Variants in SMG7 observed in about 807,000 individuals in gnomAD.
The protein encoded by SMG7 is SMG7 nonsense mediated mRNA decay factor, also known as nonsense-mediated mRNA decay factor SMG7.
In SMG7, 34 loss-of-function variants were observed where a neutral mutation model predicts 148.2. That is an observed-to-expected ratio of 0.23 (90% CI 0.17 to 0.31). The LOEUF is 0.31. SMG7 is among the 10% of genes least tolerant of loss of function. The probability of loss-of-function intolerance (pLI) is 1.00; values close to 1 mark genes in which losing one functional copy is unlikely to be tolerated. For missense variants in SMG7, 1,114 were observed against 1,408.4 expected, an observed-to-expected ratio of 0.79 and a Z score of 3.35; for synonymous variants, 492 against 515.1, an observed-to-expected ratio of 0.96 and a Z score of 0.61.
Position 183,526,579 on chromosome 1 carries a change from G to T in SMG7, c.313-17G>T, listed in dbSNP as rs1241227445. 3.2e-6 allele frequency: 5 copies of T among 1,574,244 alleles called. No homozygotes were observed. The highest frequency in any genetic ancestry group is 4.3e-6 in the Non-Finnish European group (5 of 1,152,648). On this transcript the variant is annotated splice_polypyrimidine_tract_variant and intron_variant, in intron 4 of 22. Coordinates refer to ENST00000688051, the MANE Select transcript of SMG7 (RefSeq NM_001375584.1). ...CACTTGTGACTTACTACTAAATTTTGTTTGTTTTTCTTTTAGTTATTACAA... is the reference window on the plus strand; with the variant it reads ...CACTTGTGACTTACTACTAAATTTTTTTTGTTTTTCTTTTAGTTATTACAA...
At chr1:183,550,279 A>C (rs1255425588) in intron 20 of SMG7, among the ~76,000 whole-genome samples, 1 of 151,960 alleles carries the variant, frequency 6.6e-6, no homozygotes. Context: ...GGTGTTGCCC[A>C]CTCTAGACTC....
intron 1 of SMG7, among the ~76,000 whole-genome samples, chr1:183,478,716 A>G (rs1653305825): frequency 6.6e-6 from 1 of 152,104 alleles, no homozygotes. Flanking sequence ...TTTATACTTG[A>G]GAAAAATTGT....
chr1:183,483,489 A>T (rs554863200), intron 1 of SMG7, among the ~76,000 whole-genome samples: 1 of 152,172 alleles, frequency 6.6e-6, no homozygotes, highest in South Asian at 2.1e-4. Context: ...CTTACTTGAA[A>T]TTTTTTTTAT....
intron 1 of SMG7, among the ~76,000 whole-genome samples, chr1:183,476,140 A>G (rs1397829143): frequency 6.6e-6 from 1 of 152,208 alleles, no homozygotes; most frequent in East Asian, 1.9e-4. Flanking sequence ...TGGGGACACT[A>G]GAGAATGTCT....
At chr1:183,541,172 GCGCGCACACACA>G (rs1364419637) in intron 13 of SMG7, 69 bp downstream of exon 13, 11 of 1,361,378 alleles carry the variant, frequency 8.1e-6, no homozygotes, top group African/African-American at 7.3e-5. Context: ...GCGCACACGC[GCGCGCACACACA>G]CACATCTCAT....
intron 1 of SMG7, among the ~76,000 whole-genome samples, chr1:183,487,551 C>T (rs1289078686): frequency 5.9e-5 from 9 of 152,174 alleles, no homozygotes; most frequent in African/African-American, 2.2e-4. Flanking sequence ...TGGAACAGTG[C>T]CTCAAATCAC....
At chr1:183,500,013 G>T (rs554444847) in intron 1 of SMG7, among the ~76,000 whole-genome samples, 1 of 152,052 alleles carries the variant, frequency 6.6e-6, no homozygotes, top group Non-Finnish European at 1.5e-5. Context: ...TGCAAAAAAA[G>T]GACTATTTTT....
At chr1:183,534,772 C>G (rs1372426706) in intron 10 of SMG7, among the ~76,000 whole-genome samples, 1 of 151,682 alleles carries the variant, frequency 6.6e-6, no homozygotes, top group Non-Finnish European at 1.5e-5. Context: ...GAGGCTGAGA[C>G]AGGAAAATCG....
At chr1:183,484,308 T>C (rs1654899957) in intron 1 of SMG7, among the ~76,000 whole-genome samples, 1 of 152,042 alleles carries the variant, frequency 6.6e-6, no homozygotes, top group African/African-American at 2.4e-5. Flanking sequence ...TGTTACACTA[T>C]ATTGCTTTTT....
At position 183,549,434 on chromosome 1, in the gene SMG7, G is replaced by T. The variant is rs189160071; in HGVS notation, c.2973+146G>T. On this transcript the variant is annotated intron_variant, in intron 19 of 22. Coordinates refer to ENST00000688051, the MANE Select transcript of SMG7 (RefSeq NM_001375584.1). ...ATTTGATTTTATCCCCCTTGTCTCTGATTGGGGCATACTAGTGACTTGTAC... is the reference window on the plus strand; with the variant it reads ...ATTTGATTTTATCCCCCTTGTCTCTTATTGGGGCATACTAGTGACTTGTAC... 9.2e-4 allele frequency: 602 copies of T among 656,306 alleles called. 8 individuals carry two copies. In the East Asian group the frequency reaches 0.012, roughly 14 times the overall value. The allele number at this position is 656,306 out of a possible 1,614,324, so 40.7% of individuals were successfully genotyped here.
chr1:183,548,969 T>C lies in SMG7; in HGVS notation c.2893-239T>C, dbSNP rs532253264. The C allele has an allele frequency of 5.6e-6, 3 of 531,040 alleles. No individual in the cohort carries two copies. The East Asian group carries it at 9.5e-5, about 17-fold the overall frequency. 32.9% of individuals were successfully genotyped at this position (531,040 alleles called of 1,614,324 possible). ...GCTGTTTACCAGGGTCTCTGGTCCC[T>C]GCCAGAATATAATCTCTGACTAGGT... On this transcript the variant is annotated intron_variant, in intron 18 of 22. Transcript: ENST00000688051.
At chr1:183,488,330 T>G (rs1167839976) in intron 1 of SMG7, among the ~76,000 whole-genome samples, 3 of 152,208 alleles carry the variant, frequency 2.0e-5, no homozygotes, top group East Asian at 3.9e-4. Context: ...ATATGGCTAT[T>G]TAAATGCATT....
chr1:183,523,397 T>G (rs754045793), intron 4 of SMG7, among the ~76,000 whole-genome samples: 1 of 152,184 alleles, frequency 6.6e-6, no homozygotes, highest in Non-Finnish European at 1.5e-5. Context: ...CAAATGCTTA[T>G]AGGTTCATTT....
Position 183,551,056 on chromosome 1 carries a change from T to A in SMG7, c.3316T>A (p.Phe1106Ile), listed in dbSNP as rs1297531240. 1.2e-6 allele frequency: 2 copies of A among 1,614,046 alleles called. No homozygotes were observed. Among genetic ancestry groups the A allele is most frequent in the Non-Finnish European group, 1.7e-6 (2 of 1,179,972 alleles). The change falls in exon 22 of 23, where the codon TTT becomes ATT. Residue 1106 changes from phenylalanine (F) to isoleucine (I), a missense_variant. Physicochemically the swap from Phe to Ile is conservative, Grantham distance 21. This residue lies in a region of SMG7 where 788 missense variants were observed against 894.5 expected (regional missense o/e 0.88). Transcript: ENST00000688051. ...WKTDKPAMGG[F>I]GIDYLSATSS... Reference sequence around the variant, plus strand: ...TTTTCATCCCTTAGCCATGGGTGGGTTTGGCATTGATTATCTCTCAGCAAC... The same window carrying A: ...TTTTCATCCCTTAGCCATGGGTGGGATTGGCATTGATTATCTCTCAGCAAC...
chr1:183,473,152 G>A (rs1383692203), intron 1 of SMG7, among the ~76,000 whole-genome samples: 2 of 152,042 alleles, frequency 1.3e-5, no homozygotes, highest in Non-Finnish European at 2.9e-5. Flanking sequence ...GAGACCGCAG[G>A]AAACTGGAGC....
At position 183,536,055 on chromosome 1, in the gene SMG7, G is replaced by A. The variant is rs373697025; in HGVS notation, c.1164-1090G>A. On this transcript the variant is annotated intron_variant, in intron 10 of 22. Coordinates refer to ENST00000688051, the MANE Select transcript of SMG7 (RefSeq NM_001375584.1). Reference sequence around the variant, plus strand: ...CCAAATAGTTAACTTACAATTTTCCGTAGTGTGATTATTTACGTCCAGTTT... The same window carrying A: ...CCAAATAGTTAACTTACAATTTTCCATAGTGTGATTATTTACGTCCAGTTT... Among the ~76,000 whole-genome samples, 18 of 152,070 alleles carry A rather than the reference G, an allele frequency of 1.2e-4. No individual in the cohort carries two copies. In the East Asian group the frequency reaches 2.3e-3, roughly 20 times the overall value.
At chr1:183,528,864 A>G in intron 6 of SMG7, 28 bp from the exon 7 acceptor site, 1 of 1,588,884 alleles carries the variant, frequency 6.3e-7, no homozygotes, top group Non-Finnish European at 8.6e-7. Context: ...TCTTGGGGTT[A>G]CTCCAGAATC....
intron 4 of SMG7, among the ~76,000 whole-genome samples, chr1:183,522,471 C>A (rs1366382643): frequency 6.6e-6 from 1 of 152,114 alleles, no homozygotes; most frequent in Non-Finnish European, 1.5e-5. Context: ...TTAGGTTTGA[C>A]AACATGAAAG....
chr1:183,493,372 A>G (rs868775667), intron 1 of SMG7, among the ~76,000 whole-genome samples: 2 of 152,176 alleles, frequency 1.3e-5, no homozygotes, highest in Admixed American at 6.5e-5. Flanking sequence ...AGTTGTTTAT[A>G]TATATATTTT....
Sources: allele counts gnomAD v4.1 joint callset (sites outside exome capture counted in the v4.1 genomes callset), GRCh38; gene constraint gnomAD v4.1.1; regional missense constraint gnomAD v4.1.1; transcripts MANE v1.5; gene names NCBI Gene and HGNC (gene_info 2026-07-23, HGNC 2026-07-21).